PRKG1: variants seen among roughly 807,000 people sequenced by gnomAD.
PRKG1 encodes protein kinase cGMP-dependent 1, also known as cGMP-dependent protein kinase 1.
In PRKG1, 35 loss-of-function variants were observed where a neutral mutation model predicts 88.1. The ratio of observed to expected loss-of-function variants is 0.40; its 90% CI spans 0.30 to 0.53. The LOEUF is 0.53. Among genes scored for constraint, PRKG1 ranks in the 20% least tolerant of loss-of-function variants. The probability of loss-of-function intolerance (pLI) is 0.59; values close to 1 mark genes in which losing one functional copy is unlikely to be tolerated. For synonymous variants in PRKG1, 303 were observed against 292.5 expected (o/e 1.04, Z -0.37); for missense variants, 540 against 839.8 (o/e 0.64, Z 4.41).
At chr10:51,218,587 G>A (rs964106856) in intron 2 of PRKG1, among the ~76,000 whole-genome samples, 5 of 133,236 alleles carry the variant, frequency 3.8e-5, no homozygotes, top group Middle Eastern at 3.8e-3. Flanking sequence ...TATGTATTTG[G>A]CATTTACATA....
At chr10:51,406,880 C>T (rs1837934599) in intron 2 of PRKG1, among the ~76,000 whole-genome samples, 1 of 152,176 alleles carries the variant, frequency 6.6e-6, no homozygotes, top group African/African-American at 2.4e-5. Flanking sequence ...CTCACACGAT[C>T]AGAAGGTCCC....
chr10:51,312,741 A>T (rs2132492563), intron 2 of PRKG1, among the ~76,000 whole-genome samples: 1 of 151,514 alleles, frequency 6.6e-6, no homozygotes, highest in Middle Eastern at 3.5e-3. Flanking sequence ...AAACTTATTT[A>T]TAGACTCATA....
At chr10:51,254,534 AG>A (rs1179761745) in intron 2 of PRKG1, among the ~76,000 whole-genome samples, 1 of 152,010 alleles carries the variant, frequency 6.6e-6, no homozygotes, top group Non-Finnish European at 1.5e-5. Context: ...ATCACAGACT[AG>A]TAAAACAATA....
intron 3 of PRKG1, among the ~76,000 whole-genome samples, chr10:51,561,864 A>G (rs1837470092): frequency 6.6e-6 from 1 of 151,912 alleles, no homozygotes; most frequent in African/African-American, 2.4e-5. Context: ...ATTTTTGCAA[A>G]TTAGGTTTTT....
chr10:51,787,194 G>T (rs1211389042), intron 3 of PRKG1, among the ~76,000 whole-genome samples: 1 of 152,082 alleles, frequency 6.6e-6, no homozygotes, highest in African/African-American at 2.4e-5. Flanking sequence ...TTTTATCTAA[G>T]TATTGTTTCA....
intron 3 of PRKG1, among the ~76,000 whole-genome samples, chr10:51,735,399 G>A (rs1837238852): frequency 6.6e-6 from 1 of 152,080 alleles, no homozygotes. Flanking sequence ...ATGCCAATTA[G>A]TTTTGCCTTT....
At chr10:51,774,007 G>C (rs912313546) in intron 3 of PRKG1, among the ~76,000 whole-genome samples, 6 of 152,070 alleles carry the variant, frequency 3.9e-5, no homozygotes, top group Admixed American at 2.0e-4. Context: ...GCCAATATTT[G>C]TTCAGCTGTT....
intron 4 of PRKG1, among the ~76,000 whole-genome samples, chr10:51,860,999 CAT>C (rs1306262122): frequency 2.0e-5 from 3 of 152,164 alleles, no homozygotes; most frequent in Non-Finnish European, 2.9e-5. Flanking sequence ...ATGTATCACA[CAT>C]GTGTTGGGTA....
intron 5 of PRKG1, chr10:52,046,730 TG>T (rs916206074): frequency 6.6e-6 from 1 of 152,184 alleles, no homozygotes; most frequent in African/African-American, 2.4e-5. Flanking sequence ...AATTGTTGAC[TG>T]TGTCTTGTGT....
chr10:51,537,527 T>A (rs1300809998), intron 3 of PRKG1, among the ~76,000 whole-genome samples: 2 of 152,000 alleles, frequency 1.3e-5, no homozygotes, highest in Non-Finnish European at 2.9e-5. Flanking sequence ...GATCAGGAGT[T>A]GGAGACCAGC....
At chr10:51,011,746 G>C (rs1171879370) in intron 1 of PRKG1, among the ~76,000 whole-genome samples, 1 of 152,164 alleles carries the variant, frequency 6.6e-6, no homozygotes, top group African/African-American at 2.4e-5. Context: ...CTTACTCTGG[G>C]TTCAGTTGTG....
chr10:51,531,826 G>A (rs1320035391), intron 3 of PRKG1, among the ~76,000 whole-genome samples: 1 of 151,542 alleles, frequency 6.6e-6, no homozygotes, highest in African/African-American at 2.4e-5. Flanking sequence ...TGTATTTTTA[G>A]TAGACACGGG....
intron 2 of PRKG1, among the ~76,000 whole-genome samples, chr10:51,426,051 G>A (rs868480350): frequency 1.4e-4 from 21 of 152,238 alleles, no homozygotes; most frequent in Middle Eastern, 3.4e-3. Context: ...CGAGGCGGGC[G>A]GATCACTTGA....
chr10:51,948,315 A>G (rs1026190502), intron 5 of PRKG1, among the ~76,000 whole-genome samples: 1 of 152,160 alleles, frequency 6.6e-6, no homozygotes, highest in African/African-American at 2.4e-5. Context: ...CTTTAAGTAT[A>G]TATATACTGT....
chr10:51,609,877 G>T (rs1838860996), intron 3 of PRKG1, among the ~76,000 whole-genome samples: 1 of 152,040 alleles, frequency 6.6e-6, no homozygotes, highest in African/African-American at 2.4e-5. Context: ...GGAAATATAG[G>T]TAATGCATGC....
intron 2 of PRKG1, among the ~76,000 whole-genome samples, chr10:51,231,980 G>A (rs983619566): frequency 1.3e-5 from 2 of 152,080 alleles, no homozygotes; most frequent in African/African-American, 4.8e-5. Flanking sequence ...CTCTATTTTT[G>A]AAAACAGTAA....
chr10:51,269,350 T>G (rs1259188727), intron 2 of PRKG1, among the ~76,000 whole-genome samples: 1 of 152,122 alleles, frequency 6.6e-6, no homozygotes, highest in Non-Finnish European at 1.5e-5. Flanking sequence ...GAATACCATT[T>G]AATCCACTAC....
chr10:52,278,051 TG>T (rs1180903877), intron 12 of PRKG1, among the ~76,000 whole-genome samples: 1 of 152,138 alleles, frequency 6.6e-6, no homozygotes, highest in Non-Finnish European at 1.5e-5. Flanking sequence ...AGAAAATTTT[TG>T]CAATCTATCC....
rs537687968 is a variant in PRKG1, at chr10:52,127,503, C to G, written c.936-6337C>G. ...CCCAAAACAGAATTTTGGGAAAACA[C>G]CTATCATCTATGGGCTAGGGATGAA... is the stretch of plus-strand genomic sequence containing the variant. On this transcript the variant is annotated intron_variant, in intron 7 of 17. Transcript: ENST00000373980. Among the ~76,000 whole-genome samples the G allele has an allele frequency of 2.2e-4, 33 of 152,120 alleles. No individual in the cohort carries two copies. The South Asian group carries it at 6.9e-3, about 32-fold the overall frequency.
Sources: allele counts gnomAD v4.1 joint callset (sites outside exome capture counted in the v4.1 genomes callset), GRCh38; gene constraint gnomAD v4.1.1; transcripts MANE v1.5; gene names NCBI Gene and HGNC (gene_info 2026-07-23, HGNC 2026-07-21).